The following TNFRSF10B variants were observed in gnomAD, a reference collection of about 807,000 sequenced individuals.
The protein encoded by TNFRSF10B is tumor necrosis factor receptor superfamily member 10B.
In TNFRSF10B, 35 loss-of-function variants were observed where a neutral mutation model predicts 41.4. The ratio of observed to expected loss-of-function variants is 0.85; its 90% CI spans 0.65 to 1.12. TNFRSF10B has a LOEUF of 1.12. Among genes scored for constraint, TNFRSF10B ranks in the 50% most tolerant of loss-of-function variants. TNFRSF10B has a pLI of 0.00. For synonymous variants in TNFRSF10B, 230 were observed against 215.5 expected (o/e 1.07, Z -0.59); for missense variants, 584 against 552.7 (o/e 1.06, Z -0.57).
At chr8:23,026,271 TTTTTG>T (rs1010106316) in intron 7 of TNFRSF10B, among the ~76,000 whole-genome samples, 23 of 151,814 alleles carry the variant, frequency 1.5e-4, no homozygotes, top group African/African-American at 4.1e-4. Flanking sequence ...ATCTAGTTTT[TTTTTG>T]TTTGTTTGTT....
At chr8:23,052,637 A>T (rs1812559483) in intron 1 of TNFRSF10B, among the ~76,000 whole-genome samples, 1 of 152,224 alleles carries the variant, frequency 6.6e-6, no homozygotes, top group Non-Finnish European at 1.5e-5. Context: ...GTTATATATA[A>T]AACAAGGTAA....
At chr8:23,054,939 G>A (rs1812620755) in intron 1 of TNFRSF10B, among the ~76,000 whole-genome samples, 1 of 152,060 alleles carries the variant, frequency 6.6e-6, no homozygotes, top group Admixed American at 6.6e-5. Flanking sequence ...AAGCAAACCA[G>A]TCCTACCATG....
intron 1 of TNFRSF10B, among the ~76,000 whole-genome samples, chr8:23,049,550 C>G (rs1812460937): frequency 6.6e-6 from 1 of 152,180 alleles, no homozygotes; most frequent in African/African-American, 2.4e-5. Flanking sequence ...CTTCAGGACT[C>G]AGACCTTAGT....
chr8:23,027,899 C>G (rs1035485579), intron 5 of TNFRSF10B, 146 bp from the exon 6 acceptor site: 57 of 867,346 alleles, frequency 6.6e-5, no homozygotes, highest in Non-Finnish European at 2.0e-5. Flanking sequence ...GGCCTTACAA[C>G]TCAGAGACAC....
At chr8:23,031,608 T>TG (rs1341936401) in intron 2 of TNFRSF10B, among the ~76,000 whole-genome samples, 1 of 151,940 alleles carries the variant, frequency 6.6e-6, no homozygotes, top group Admixed American at 6.6e-5. Flanking sequence ...TTGCCTAGGC[T>TG]GGTCTCAAAC....
At chr8:23,049,677 G>C (rs140890827) in intron 1 of TNFRSF10B, 1 of 152,214 alleles carries the variant, frequency 6.6e-6, no homozygotes, top group African/African-American at 2.4e-5. Flanking sequence ...AGTTGGTCTG[G>C]TGATAATTTC....
chr8:23,026,991 G>C, intron 7 of TNFRSF10B, 142 bp downstream of exon 7: 4 of 1,262,584 alleles, frequency 3.2e-6, no homozygotes, highest in Non-Finnish European at 4.5e-6. Flanking sequence ...CAGTGCAGCT[G>C]CTCCATCCCC....
At chr8:23,053,761 A>C (rs1812586953) in intron 1 of TNFRSF10B, among the ~76,000 whole-genome samples, 1 of 152,234 alleles carries the variant, frequency 6.6e-6, no homozygotes, top group Non-Finnish European at 1.5e-5. Flanking sequence ...TTTAACATTA[A>C]TAGTACACTA....
chr8:23,058,784 T>C (rs1812743984), intron 1 of TNFRSF10B, among the ~76,000 whole-genome samples: 1 of 152,144 alleles, frequency 6.6e-6, no homozygotes, highest in Non-Finnish European at 1.5e-5. Context: ...CGTGCCCAGC[T>C]TGTGCATTGG....
At chr8:23,062,484 C>G (rs529801295) in intron 1 of TNFRSF10B, among the ~76,000 whole-genome samples, 1 of 152,324 alleles carries the variant, frequency 6.6e-6, no homozygotes, top group South Asian at 2.1e-4. Flanking sequence ...TCGCAAAGTG[C>G]TGGGATTATA....
At chr8:23,023,547 G>T (rs1481785660) in intron 8 of TNFRSF10B, among the ~76,000 whole-genome samples, 1 of 152,102 alleles carries the variant, frequency 6.6e-6, no homozygotes, top group East Asian at 1.9e-4. Context: ...ATCTCGGGAC[G>T]ATGAGGGATT....
rs186394312 is a variant in TNFRSF10B, at chr8:23,048,358, C to G, written c.145-5115G>C. Among the ~76,000 whole-genome samples the G allele has an allele frequency of 8.3e-3, 1,254 of 151,378 alleles. 21 individuals are homozygous for G. The highest frequency in any genetic ancestry group is 0.029 in the African/African-American group (1,179 of 41,232). ...GGCTAAGGCAGGAGAATCACTTGAA[C>G]CCGGGAGGCGGAGGTTGCAGTGAGC... is the stretch of plus-strand genomic sequence containing the variant. On this transcript the variant is annotated intron_variant, in intron 1 of 8. Transcript: ENST00000276431.
chr8:23,027,501 G>T, intron 6 of TNFRSF10B: 2 of 783,398 alleles, frequency 2.6e-6, no homozygotes, highest in Non-Finnish European at 4.1e-6. Context: ...TAGGGTGCAG[G>T]CTGTGGGGTG....
chr8:23,052,947 T>G (rs1812566629), intron 1 of TNFRSF10B, among the ~76,000 whole-genome samples: 4 of 152,244 alleles, frequency 2.6e-5, no homozygotes, highest in Admixed American at 2.6e-4. Flanking sequence ...TCCTGTATGG[T>G]AAATTCTTGT....
intron 1 of TNFRSF10B, among the ~76,000 whole-genome samples, chr8:23,049,290 G>T (rs1812453006): frequency 6.6e-6 from 1 of 152,150 alleles, no homozygotes; most frequent in Non-Finnish European, 1.5e-5. Context: ...CAAGAGTTTT[G>T]CCTAGGCCTT....
chr8:23,068,950 T>A lies in TNFRSF10B; in HGVS notation c.-56A>T. On this transcript the variant is annotated 5_prime_UTR_variant, in exon 1 of 9. Transcript: ENST00000276431. ...GGCCCGTGGGTTTCAGCCCTTAAAG[T>A]AGATCGGGCATCGTCGGTGTATTTT... 1 of 1,612,556 alleles carries A rather than the reference T, an allele frequency of 6.2e-7. No homozygotes were observed. Among genetic ancestry groups the A allele is most frequent in the South Asian group, 1.1e-5 (1 of 91,046 alleles).
chr8:23,068,717 T>C (rs1813076544), intron 1 of TNFRSF10B, 34 bp downstream of exon 1: 1 of 1,552,300 alleles, frequency 6.4e-7, no homozygotes. Flanking sequence ...CCAGGCACGC[T>C]CTTCCCCAGC....
intron 1 of TNFRSF10B, among the ~76,000 whole-genome samples, chr8:23,049,482 A>AC (rs1452862305): frequency 2.0e-5 from 3 of 152,104 alleles, no homozygotes; most frequent in African/African-American, 7.2e-5. Context: ...AAGGGTAATC[A>AC]CCCCAGCACC....
intron 1 of TNFRSF10B, among the ~76,000 whole-genome samples, chr8:23,049,292 C>G (rs890061629): frequency 1.3e-5 from 2 of 152,188 alleles, no homozygotes; most frequent in African/African-American, 2.4e-5. Flanking sequence ...AGAGTTTTGC[C>G]TAGGCCTTTC....
Sources: gnomAD v4.1 joint callset for allele counts (sites outside exome capture counted in the v4.1 genomes callset) on GRCh38, gnomAD v4.1.1 for gene constraint, MANE v1.5 for transcripts, NCBI Gene and HGNC (gene_info 2026-07-23, HGNC 2026-07-21) for gene names.